Variants in BMI1 observed in about 807,000 individuals in gnomAD.
BMI1 encodes the protein polycomb complex protein BMI-1.
Under a neutral mutation model 39.1 loss-of-function variants are expected in BMI1, and 9 were observed. The ratio of observed to expected loss-of-function variants is 0.23; its 90% CI spans 0.14 to 0.40. The LOEUF (loss-of-function observed/expected upper bound fraction) is 0.40, where lower values mean the gene tolerates loss of function less well. Among genes scored for constraint, BMI1 ranks in the 10% least tolerant of loss-of-function variants. The pLI, the probability that BMI1 is intolerant of heterozygous loss-of-function variation, is 1.00. For synonymous variants in BMI1, 131 were observed against 127.9 expected, an observed-to-expected ratio of 1.02 and a Z score of -0.16; for missense variants, 252 against 390.8, an observed-to-expected ratio of 0.64 and a Z score of 2.99.
intron 9 of BMI1, 30 bp from the exon 10 acceptor site, chr10:22,329,181 TAA>T (rs1253914317): frequency 6.2e-7 from 1 of 1,610,750 alleles, no homozygotes; most frequent in South Asian, 1.1e-5. Context: ...TTTAAAGAAT[TAA>T]GAGTAATTTT....
Position 22,329,262 on chromosome 10 carries a change from T to G in BMI1, c.701T>G (p.Met234Arg). ...AGAGTTCGACCTACTTGTAAAAGAA[T>G]GAAGATCAGTCACCAGAGAGATGGA... is the stretch of plus-strand genomic sequence containing the variant. ...KYRVRPTCKR[M>R]KISHQRDGLT... The change falls in exon 10 of 10, where the codon ATG (methionine) becomes AGG (arginine). Residue 234 changes from methionine (M) to arginine (R), a missense_variant. By Grantham distance (91) the Met-to-Arg change is moderately conservative. Around this residue, in one of 4 missense-constraint regions of BMI1, gnomAD observed 96 missense variants for 120.2 expected, o/e 0.80. Transcript: ENST00000376663. The G allele has an allele frequency of 6.2e-7, 1 of 1,614,192 alleles. No individual in the cohort carries two copies. The highest frequency in any genetic ancestry group is 8.5e-7 in the Non-Finnish European group (1 of 1,180,018).
At chr10:22,326,115 C>A in intron 1 of BMI1, 1 of 206,742 alleles carries the variant, frequency 4.8e-6, no homozygotes, top group Non-Finnish European at 9.8e-6. Context: ...CTGCAGCAGC[C>A]TTGGGGCTGC....
chr10:22,327,692 A>T (rs754319725), intron 4 of BMI1, 42 bp downstream of exon 4: 5 of 1,613,090 alleles, frequency 3.1e-6, no homozygotes, highest in Middle Eastern at 1.7e-4. Context: ...GAGATTATTC[A>T]TTAGTTCTTT....
rs1162301919 is a variant in BMI1 at position 22,330,018 on chromosome 10, C to T, written c.*476C>T. 2 of 154,198 alleles carry T rather than the reference C, an allele frequency of 1.3e-5. No homozygotes were observed. Among genetic ancestry groups the T allele is most frequent in the African/African-American group, 4.8e-5 (2 of 41,460 alleles). 9.6% of individuals were successfully genotyped at this position (154,198 alleles called of 1,614,324 possible). On this transcript the variant is annotated 3_prime_UTR_variant, in exon 10 of 10. Coordinates refer to ENST00000376663, the MANE Select transcript of BMI1 (RefSeq NM_005180.9). Reference sequence around the variant, plus strand: ...CATAGAATAATGCATTCTATGTAGCCATGTCACTGTGAATAACGATTTCTT... The same window carrying T: ...CATAGAATAATGCATTCTATGTAGCTATGTCACTGTGAATAACGATTTCTT...
chr10:22,328,448 AATG>A, intron 7 of BMI1, 149 bp from the exon 8 acceptor site: 1 of 785,112 alleles, frequency 1.3e-6, no homozygotes, highest in African/African-American at 1.8e-5. Context: ...TAGTATTTGT[AATG>A]ATAGTAAACT....
At chr10:22,325,244 C>T (rs977107105) in intron 1 of BMI1, among the ~76,000 whole-genome samples, 3 of 152,220 alleles carry the variant, frequency 2.0e-5, no homozygotes, top group Non-Finnish European at 4.4e-5. Context: ...ATAAACATCT[C>T]TGCAATTTGA....
chr10:22,324,092 C>G (rs1368427665), intron 1 of BMI1, among the ~76,000 whole-genome samples: 5 of 152,176 alleles, frequency 3.3e-5, no homozygotes, highest in African/African-American at 7.2e-5. Context: ...TGCTCAAAGC[C>G]AACCGGTAGA....
Position 22,328,987 on chromosome 10 carries a change from T to C in BMI1, c.571-61T>C, listed in dbSNP as rs548273898. 9.7e-5 allele frequency: 144 copies of C among 1,485,620 alleles called. 1 individual carries two copies. In the South Asian group the frequency reaches 1.7e-3, roughly 18 times the overall value. 92.0% of individuals were successfully genotyped at this position (1,485,620 alleles called of 1,614,324 possible). Reference sequence around the variant, plus strand: ...AAAGCACTTTTGGATTATATTTAAATGACAAAAAATGTACATTTACCTTTG... The same window carrying C: ...AAAGCACTTTTGGATTATATTTAAACGACAAAAAATGTACATTTACCTTTG... On this transcript the variant is annotated intron_variant, in intron 8 of 9. Coordinates refer to ENST00000376663, the MANE Select transcript of BMI1 (RefSeq NM_005180.9).
chr10:22,329,772 G>T lies in BMI1; in HGVS notation c.*230G>T. 5.5e-6 allele frequency: 3 copies of T among 543,566 alleles called. No homozygotes were observed. Among genetic ancestry groups the T allele is most frequent in the Non-Finnish European group, 9.5e-6 (3 of 317,418 alleles). 33.7% of individuals were successfully genotyped at this position (543,566 alleles called of 1,614,324 possible). ...AATTGGTTTCTTGGAAAGCAGGCAAGACTTTTTCTCTGTGTTAGGAAAGAT... is the reference window on the plus strand; with the variant it reads ...AATTGGTTTCTTGGAAAGCAGGCAATACTTTTTCTCTGTGTTAGGAAAGAT... On this transcript the variant is annotated 3_prime_UTR_variant, in exon 10 of 10. Coordinates refer to ENST00000376663, the MANE Select transcript of BMI1 (RefSeq NM_005180.9).
At chr10:22,324,445 T>C (rs1243784383) in intron 1 of BMI1, among the ~76,000 whole-genome samples, 1 of 152,252 alleles carries the variant, frequency 6.6e-6, no homozygotes, top group African/African-American at 2.4e-5. Flanking sequence ...TAGATTTATG[T>C]TAATATGTTG....
intron 1 of BMI1, among the ~76,000 whole-genome samples, chr10:22,323,433 T>C (rs1836057242): frequency 6.6e-6 from 1 of 152,190 alleles, no homozygotes; most frequent in East Asian, 1.9e-4. Context: ...GTAAGAAAAT[T>C]AAGCATTTAA....
chr10:22,329,353 T>TA lies in BMI1; in HGVS notation c.793dup (p.Ile265AsnfsTer10), dbSNP rs745326959. ...ACAAGGCCAACAGCCCAGCAGGAGGTATTCCCTCCACCTCTTCTTGTTTGC... is the reference window on the plus strand; with the variant it reads ...ACAAGGCCAACAGCCCAGCAGGAGGTAATTCCCTCCACCTCTTCTTGTTTGC... On this transcript the variant is annotated frameshift_variant, in exon 10 of 10. Coordinates refer to ENST00000376663, the MANE Select transcript of BMI1 (RefSeq NM_005180.9). LOFTEE classifies it high-confidence loss of function. 6.2e-7 allele frequency: 1 copy of TA among 1,613,904 alleles called. No individual in the cohort carries two copies. Among genetic ancestry groups the TA allele is most frequent in the Non-Finnish European group, 8.5e-7 (1 of 1,179,986 alleles).
chr10:22,326,364 T>G, intron 1 of BMI1, 67 bp from the exon 2 acceptor site: 2 of 1,590,364 alleles, frequency 1.3e-6, no homozygotes, highest in Non-Finnish European at 1.7e-6. Context: ...TGTTTCAGGG[T>G]TTGTGATTAC....
intron 1 of BMI1, chr10:22,325,974 T>C (rs1223628864): frequency 6.5e-6 from 1 of 152,868 alleles, no homozygotes; most frequent in Admixed American, 6.5e-5. Context: ...AGGTTCTGCT[T>C]GCTGGAACCG....
rs1836236153 is a variant in BMI1 at position 22,329,434 on chromosome 10, T to C, written c.873T>C (p.Ser291=). The C allele has an allele frequency of 6.2e-7, 1 of 1,614,170 alleles. No homozygotes were observed. Among genetic ancestry groups the C allele is most frequent in the Non-Finnish European group, 8.5e-7 (1 of 1,180,010 alleles). ...SPHPQFPHIS[S]TMNGTSNSPS... is the part of the protein sequence containing the mutation. Reference sequence around the variant, plus strand: ...ATCCACAGTTTCCTCACATTTCCAGTACTATGAATGGAACCAGCAACAGCC... The same window carrying C: ...ATCCACAGTTTCCTCACATTTCCAGCACTATGAATGGAACCAGCAACAGCC... The change falls in exon 10 of 10, where the codon AGT becomes AGC. Residue 291 remains serine (S), a synonymous_variant. Transcript: ENST00000376663.
rs751156303 is a variant in BMI1 at position 22,327,678 on chromosome 10, T to C, written c.265+28T>C. On this transcript the variant is annotated intron_variant, in intron 4 of 9. Transcript: ENST00000376663. The stretch of plus-strand genomic sequence containing the variant: ...GAGTAACTTGCTTAGAAAATGAATT[T>C]AAAGAGATTATTCATTAGTTCTTTG... The C allele has an allele frequency of 2.5e-5, 40 of 1,612,796 alleles. No individual in the cohort carries two copies. The East Asian group carries it at 8.5e-4, about 34-fold the overall frequency.
chr10:22,321,950 C>T (rs1396637482), intron 1 of BMI1, among the ~76,000 whole-genome samples: 2 of 145,098 alleles, frequency 1.4e-5, no homozygotes, highest in Non-Finnish European at 3.1e-5. Flanking sequence ...GCGCCGGGAC[C>T]GACCCGCAGC....
intron 3 of BMI1, 118 bp downstream of exon 3, chr10:22,327,104 G>T: frequency 5.2e-6 from 6 of 1,148,370 alleles, no homozygotes; most frequent in Non-Finnish European, 7.4e-6. Flanking sequence ...ACTAATATGT[G>T]TGTGCTTTGT....
intron 1 of BMI1, among the ~76,000 whole-genome samples, chr10:22,325,136 A>G (rs1218764519): frequency 6.6e-6 from 1 of 152,224 alleles, no homozygotes; most frequent in African/African-American, 2.4e-5. Context: ...CTTGTAAAAC[A>G]GATTTCAGTT....
Sources: gnomAD v4.1 joint callset for allele counts (sites outside exome capture counted in the v4.1 genomes callset) on GRCh38, gnomAD v4.1.1 for gene constraint, gnomAD v4.1.1 regional missense constraint, MANE v1.5 for transcripts, NCBI Gene and HGNC (gene_info 2026-07-23, HGNC 2026-07-21) for gene names.